Variants in PRKG1 observed in about 807,000 individuals in gnomAD.
PRKG1 encodes the protein cGMP-dependent protein kinase 1.
Under a neutral mutation model 88.1 loss-of-function variants are expected in PRKG1, and 35 were observed. The observed-to-expected ratio is 0.40, with a 90% CI of 0.30 to 0.53. The LOEUF (loss-of-function observed/expected upper bound fraction) is 0.53. Ranked by LOEUF, PRKG1 falls within the 20% of genes least tolerant of loss-of-function variation. The pLI is 0.59. For missense variants in PRKG1, 540 were observed against 839.8 expected (o/e 0.64, Z 4.41); for synonymous variants, 303 against 292.5 (o/e 1.04, Z -0.37).
At chr10:51,486,851 T>C (rs189654923) in intron 3 of PRKG1, among the ~76,000 whole-genome samples, 4 of 152,304 alleles carry the variant, frequency 2.6e-5, no homozygotes, top group African/African-American at 7.2e-5. Context: ...TGCTATATTG[T>C]CACTCTGTAA....
At chr10:51,087,386 C>T (rs1844280446) in intron 1 of PRKG1, among the ~76,000 whole-genome samples, 1 of 152,152 alleles carries the variant, frequency 6.6e-6, no homozygotes, top group Non-Finnish European at 1.5e-5. Flanking sequence ...TTAATTCTCA[C>T]AGCAATCTGA....
At chr10:52,001,364 TAA>T (rs199990338) in intron 5 of PRKG1, among the ~76,000 whole-genome samples, 19 of 145,726 alleles carry the variant, frequency 1.3e-4, no homozygotes, top group South Asian at 2.2e-4. Flanking sequence ...GTTCTCACCA[TAA>T]AAAAAAAAAA....
intron 1 of PRKG1, among the ~76,000 whole-genome samples, chr10:51,126,506 AT>A (rs1380744866): frequency 6.9e-6 from 1 of 144,706 alleles, no homozygotes; most frequent in African/African-American, 2.5e-5. Context: ...AAATTATATA[AT>A]TTATAAATAT....
intron 1 of PRKG1, among the ~76,000 whole-genome samples, chr10:51,014,843 T>G (rs1182065239): frequency 6.6e-6 from 1 of 152,208 alleles, no homozygotes; most frequent in Non-Finnish European, 1.5e-5. Flanking sequence ...TGTTTGATTC[T>G]GCAATTCAGA....
intron 3 of PRKG1, among the ~76,000 whole-genome samples, chr10:51,649,848 T>A (rs1401775919): frequency 1.3e-5 from 2 of 152,160 alleles, no homozygotes; most frequent in Non-Finnish European, 2.9e-5. Flanking sequence ...CCGCAATCAG[T>A]CTGATTGGTT....
chr10:51,920,737 G>A (rs73335456), intron 5 of PRKG1, among the ~76,000 whole-genome samples: 4,664 of 152,154 alleles, frequency 0.031, 249 homozygotes, highest in African/African-American at 0.11. Flanking sequence ...GGAAAAGAAG[G>A]ATAGTAATAA....
At chr10:51,991,264 T>A (rs116200715) in intron 5 of PRKG1, among the ~76,000 whole-genome samples, 105 of 152,252 alleles carry the variant, frequency 6.9e-4, no homozygotes, top group African/African-American at 1.8e-3. Context: ...ATATGTAAGA[T>A]TGTTCTGTCT....
chr10:52,198,479 TGA>T (rs1224289680), intron 9 of PRKG1, among the ~76,000 whole-genome samples: 1 of 152,102 alleles, frequency 6.6e-6, no homozygotes, highest in Non-Finnish European at 1.5e-5. Context: ...GAAGAAACAA[TGA>T]GCAAATAGAA....
At chr10:52,261,602 G>A (rs1841434625) in intron 10 of PRKG1, among the ~76,000 whole-genome samples, 1 of 151,970 alleles carries the variant, frequency 6.6e-6, no homozygotes, top group African/African-American at 2.4e-5. Flanking sequence ...ATTCAAACAT[G>A]TGTCACTCAG....
intron 3 of PRKG1, among the ~76,000 whole-genome samples, chr10:51,626,028 G>A (rs1403859248): frequency 2.0e-5 from 3 of 152,142 alleles, no homozygotes; most frequent in East Asian, 1.9e-4. Flanking sequence ...CTTGCTGCAC[G>A]ACAATATTGC....
chr10:52,282,404 T>C (rs1352286343), intron 14 of PRKG1, 88 bp downstream of exon 14: 1 of 1,265,232 alleles, frequency 7.9e-7, no homozygotes, highest in East Asian at 2.5e-5. Context: ...TAGACCATCT[T>C]AAAGTACTTT....
At chr10:51,346,647 C>T (rs989008179) in intron 2 of PRKG1, among the ~76,000 whole-genome samples, 5 of 152,126 alleles carry the variant, frequency 3.3e-5, no homozygotes, top group African/African-American at 1.2e-4. Context: ...AATGCCATTG[C>T]CTATTATGAA....
At chr10:51,662,976 C>T (rs1033995334) in intron 3 of PRKG1, among the ~76,000 whole-genome samples, 7 of 151,958 alleles carry the variant, frequency 4.6e-5, no homozygotes, top group African/African-American at 9.7e-5. Flanking sequence ...CTAGCGAGTT[C>T]GGCTTTTAAC....
intron 2 of PRKG1, among the ~76,000 whole-genome samples, chr10:51,330,003 A>G (rs1158509797): frequency 6.7e-6 from 1 of 150,160 alleles, no homozygotes; most frequent in African/African-American, 2.4e-5. Context: ...ATCATTCTCC[A>G]GATTGAGAAA....
rs35746229 is a variant in PRKG1 at position 51,746,302 on chromosome 10, TA to T, written c.593-58269del. Among the ~76,000 whole-genome samples the T allele has an allele frequency of 9.8e-3, 1,397 of 142,334 alleles. 17 individuals carry two copies. The highest frequency in any genetic ancestry group is 0.029 in the African/African-American group (1,150 of 39,040). 93.4% of individuals were successfully genotyped at this position (142,334 alleles called of 152,430 possible). ...TTTGGTCGTCAAATTAGTTTACATT[TA>T]AAAAAAAAAAAAACTCCCTGCTACC... is the stretch of plus-strand genomic sequence containing the variant. On this transcript the variant is annotated intron_variant, in intron 3 of 17. Coordinates refer to ENST00000373980, the MANE Select transcript of PRKG1 (RefSeq NM_006258.4).
intron 7 of PRKG1, among the ~76,000 whole-genome samples, chr10:52,077,132 A>G (rs1037966056): frequency 2.0e-5 from 3 of 152,300 alleles, no homozygotes; most frequent in South Asian, 4.1e-4. Flanking sequence ...TTTATATTTA[A>G]TATCTCCAAA....
Position 52,196,406 on chromosome 10 carries a change from T to C in PRKG1, c.1076+34443T>C, listed in dbSNP as rs183765710. On this transcript the variant is annotated intron_variant, in intron 9 of 17. Transcript: ENST00000373980. The stretch of plus-strand genomic sequence containing the variant: ...CATTCAAGAAATCTATAATTCAAAA[T>C]GTAGGTGTTATTCCCTGGGAAGTAT... Among the ~76,000 whole-genome samples the C allele has an allele frequency of 4.7e-3, 711 of 152,234 alleles. 7 individuals carry two copies. Among genetic ancestry groups the C allele is most frequent in the African/African-American group, 0.016 (675 of 41,524 alleles).
At chr10:52,013,595 A>G (rs1844956753) in intron 5 of PRKG1, among the ~76,000 whole-genome samples, 1 of 152,214 alleles carries the variant, frequency 6.6e-6, no homozygotes, top group Admixed American at 6.5e-5. Flanking sequence ...AGGTAGTAGC[A>G]TGAGCTTATG....
intron 3 of PRKG1, among the ~76,000 whole-genome samples, chr10:51,524,579 G>T (rs1386008117): frequency 6.6e-6 from 1 of 152,036 alleles, no homozygotes. Flanking sequence ...TTTATCCTTA[G>T]CTCTTGTGCC....
Sources: allele counts gnomAD v4.1 joint callset (sites outside exome capture counted in the v4.1 genomes callset), GRCh38; gene constraint gnomAD v4.1.1; transcripts MANE v1.5; gene names NCBI Gene and HGNC (gene_info 2026-07-23, HGNC 2026-07-21).